MAP3K9: variants seen among roughly 807,000 people sequenced by gnomAD.
MAP3K9 encodes mitogen-activated protein kinase kinase kinase 9, also known as mixed lineage kinase 1 (tyr and ser/thr specificity).
A neutral mutation model predicts 95.8 loss-of-function variants in MAP3K9; 46 were observed. The ratio of observed to expected loss-of-function variants is 0.48; its 90% CI spans 0.38 to 0.61. The LOEUF is 0.61. MAP3K9 is among the 20% of genes least tolerant of loss of function. The probability of loss-of-function intolerance (pLI) is 0.00; values close to 1 mark genes in which losing one functional copy is unlikely to be tolerated. For synonymous variants in MAP3K9, 533 were observed against 593.8 expected, an observed-to-expected ratio of 0.90 and a Z score of 1.49; for missense variants, 1,296 against 1,474.3, an observed-to-expected ratio of 0.88 and a Z score of 1.98.
chr14:70,786,284 C>T (rs891665358), intron 2 of MAP3K9, among the ~76,000 whole-genome samples: 2 of 152,110 alleles, frequency 1.3e-5, no homozygotes, highest in East Asian at 1.9e-4. Context: ...GAAAACAACT[C>T]TCTATCACAC....
chr14:70,794,990 C>CTTTTTTTTTTTTTTTTTT lies in MAP3K9; in HGVS notation c.820+5659_820+5676dup, dbSNP rs572010694. On this transcript the variant is annotated intron_variant, in intron 2 of 11. Coordinates refer to ENST00000554752, the MANE Select transcript of MAP3K9 (RefSeq NM_001284230.2). ...CCGTGACCAGCCTCTTTTTCTTTTCCTTTTTTTTTTTTTTTTTTTTTGAGA... is the reference window on the plus strand; with the variant it reads ...CCGTGACCAGCCTCTTTTTCTTTTCCTTTTTTTTTTTTTTTTTTTTTTTTTTTTTTTTTTTTTTTGAGA... Among the ~76,000 whole-genome samples, 20 of 76,820 alleles carry CTTTTTTTTTTTTTTTTTT rather than the reference C, an allele frequency of 2.6e-4. 1 individual carries two copies. Among genetic ancestry groups the CTTTTTTTTTTTTTTTTTT allele is most frequent in the Admixed American group, 9.2e-4 (5 of 5,418 alleles). The allele number at this position is 76,820 out of a possible 152,430, so 50.4% of individuals were successfully genotyped here.
chr14:70,750,213 T>C (rs1370442910), intron 3 of MAP3K9, 132 bp from the exon 4 acceptor site: 2 of 860,698 alleles, frequency 2.3e-6, no homozygotes, highest in South Asian at 1.9e-5. Context: ...GAAATACTAA[T>C]GTGATATAAA....
intron 1 of MAP3K9, among the ~76,000 whole-genome samples, chr14:70,805,848 G>C (rs1290063548): frequency 6.6e-6 from 1 of 152,274 alleles, no homozygotes; most frequent in East Asian, 1.9e-4. Context: ...GATCTCTTGA[G>C]CCCAGGAGTT....
At chr14:70,730,924 T>A (rs1055646584) in intron 11 of MAP3K9, 60 bp from the exon 12 acceptor site, 2 of 1,505,490 alleles carry the variant, frequency 1.3e-6, no homozygotes, top group Non-Finnish European at 1.8e-6. Context: ...GGGTTAGATA[T>A]CCGCTACTCC....
chr14:70,800,836 G>A lies in MAP3K9; in HGVS notation c.651C>T (p.Cys217=). The A allele has an allele frequency of 1.2e-6, 2 of 1,614,184 alleles. No homozygotes were observed. The highest frequency in any genetic ancestry group is 1.1e-5 in the South Asian group (1 of 91,088). Residue 217 remains cysteine (C), a synonymous_variant, in exon 2 of 12, where the codon TGC becomes TGT. Transcript: ENST00000554752. ...CTCCACGAGCAAACTCCATGACCAAGCAGAGGTTGGGCTCCTTCAGACATA... is the reference window on the plus strand; with the variant it reads ...CTCCACGAGCAAACTCCATGACCAAACAGAGGTTGGGCTCCTTCAGACATA... The part of the protein sequence containing the change: ...RGVCLKEPNL[C]LVMEFARGGP...
intron 2 of MAP3K9, among the ~76,000 whole-genome samples, chr14:70,786,698 A>G (rs1253344916): frequency 1.3e-5 from 2 of 152,222 alleles, no homozygotes; most frequent in Non-Finnish European, 2.9e-5. Flanking sequence ...AAGAAGGAAC[A>G]CTATCATGAG....
At chr14:70,786,405 G>C (rs1161987102) in intron 2 of MAP3K9, among the ~76,000 whole-genome samples, 1 of 152,014 alleles carries the variant, frequency 6.6e-6, no homozygotes, top group East Asian at 1.9e-4. Flanking sequence ...TACTGCTTAA[G>C]AAATAAAAAA....
rs2053858758 is a variant in MAP3K9 at position 70,729,075 on chromosome 14, CTCA to C, written c.*1302_*1304del. 1 of 152,250 alleles carries C rather than the reference CTCA, an allele frequency of 6.6e-6. No homozygotes were observed. Among genetic ancestry groups the C allele is most frequent in the Non-Finnish European group, 1.5e-5 (1 of 68,068 alleles). 9.4% of individuals were successfully genotyped at this position (152,250 alleles called of 1,614,324 possible). ...GGGTTGGCCTCTGCTATCCTTCCTA[CTCA>C]GCTCATGGTCCAGAGCCCAGCATGA... On this transcript the variant is annotated 3_prime_UTR_variant, in exon 12 of 12. Coordinates refer to ENST00000554752, the MANE Select transcript of MAP3K9 (RefSeq NM_001284230.2).
At chr14:70,734,627 A>G in intron 9 of MAP3K9, 129 bp from the exon 10 acceptor site, 1 of 631,164 alleles carries the variant, frequency 1.6e-6, no homozygotes, top group Middle Eastern at 2.8e-4. Flanking sequence ...GAGTACATAC[A>G]GGCAATGACT....
chr14:70,803,533 G>A (rs1187901890), intron 1 of MAP3K9, among the ~76,000 whole-genome samples: 4 of 151,930 alleles, frequency 2.6e-5, no homozygotes, highest in Admixed American at 6.6e-5. Flanking sequence ...TAACGCCTCC[G>A]TTCTCCACTC....
chr14:70,795,983 G>A (rs897160369), intron 2 of MAP3K9, among the ~76,000 whole-genome samples: 15 of 150,468 alleles, frequency 1.0e-4, no homozygotes, highest in African/African-American at 2.9e-4. Flanking sequence ...TTGAACTCCC[G>A]ACCTCGGGTG....
At chr14:70,740,995 A>G (rs1431966279) in intron 6 of MAP3K9, among the ~76,000 whole-genome samples, 1 of 152,210 alleles carries the variant, frequency 6.6e-6, no homozygotes, top group Non-Finnish European at 1.5e-5. Flanking sequence ...ACTCAACTGC[A>G]TGGAATGAGT....
At chr14:70,732,202 A>G (rs934706792) in intron 11 of MAP3K9, among the ~76,000 whole-genome samples, 1 of 152,210 alleles carries the variant, frequency 6.6e-6, no homozygotes, top group Admixed American at 6.5e-5. Context: ...GGGAATAACT[A>G]GAAGCTAGAC....
chr14:70,773,096 C>T (rs2054552284), intron 2 of MAP3K9, among the ~76,000 whole-genome samples: 1 of 152,218 alleles, frequency 6.6e-6, no homozygotes, highest in Non-Finnish European at 1.5e-5. Context: ...TATACAAACA[C>T]TGTCAAAGAT....
rs2053775605 is a variant in MAP3K9 at position 70,723,177 on chromosome 14, C to G, written c.*7203G>C. ...AGGCAAAAGCCTGACCTCAAGTGCC[C>G]AGGGAGGAGACACAAGCTACAATAA... On this transcript the variant is annotated 3_prime_UTR_variant, in exon 12 of 12. Coordinates refer to ENST00000554752, the MANE Select transcript of MAP3K9 (RefSeq NM_001284230.2). The G allele has an allele frequency of 6.6e-6, 1 of 152,140 alleles. No individual in the cohort carries two copies. The highest frequency in any genetic ancestry group is 2.4e-5 in the African/African-American group (1 of 41,424). 9.4% of individuals were successfully genotyped at this position (152,140 alleles called of 1,614,324 possible).
intron 3 of MAP3K9, among the ~76,000 whole-genome samples, chr14:70,755,057 C>T (rs1184589750): frequency 6.6e-6 from 1 of 152,206 alleles, no homozygotes; most frequent in African/African-American, 2.4e-5. Context: ...AGCAGGAAGA[C>T]AAACCAGATG....
intron 1 of MAP3K9, among the ~76,000 whole-genome samples, chr14:70,802,483 C>A (rs554584195): frequency 6.6e-6 from 1 of 152,164 alleles, no homozygotes; most frequent in Non-Finnish European, 1.5e-5. Flanking sequence ...GATTATAAAG[C>A]GAGCTACATG....
At chr14:70,790,589 C>T (rs1245177304) in intron 2 of MAP3K9, among the ~76,000 whole-genome samples, 1 of 152,212 alleles carries the variant, frequency 6.6e-6, no homozygotes, top group Non-Finnish European at 1.5e-5. Context: ...GATTCATAAC[C>T]TTCTCTGAGT....
chr14:70,760,852 G>T, intron 3 of MAP3K9, 150 bp downstream of exon 3: 1 of 763,770 alleles, frequency 1.3e-6, no homozygotes, highest in Non-Finnish European at 2.1e-6. Context: ...CTGGCAATAT[G>T]GGAATTGGCA....
Sources: allele counts gnomAD v4.1 joint callset (sites outside exome capture counted in the v4.1 genomes callset), GRCh38; gene constraint gnomAD v4.1.1; transcripts MANE v1.5; gene names NCBI Gene and HGNC (gene_info 2026-07-23, HGNC 2026-07-21).